Variants in KIRREL3 observed in about 807,000 individuals in gnomAD.
The protein encoded by KIRREL3 is kin of IRRE-like protein 3.
Under a neutral mutation model 89.7 loss-of-function variants are expected in KIRREL3, and 36 were observed. The ratio of observed to expected loss-of-function variants is 0.40; its 90% confidence interval spans 0.31 to 0.53. The LOEUF (loss-of-function observed/expected upper bound fraction) is 0.53, where lower values mean the gene tolerates loss of function less well. KIRREL3 is among the 20% of genes least tolerant of loss of function. KIRREL3 has a pLI of 0.49. For missense variants in KIRREL3, 864 were observed against 1,056.6 expected (o/e 0.82, Z 2.53); for synonymous variants, 445 against 441.4 (o/e 1.01, Z -0.10).
intron 1 of KIRREL3, among the ~76,000 whole-genome samples, chr11:126,939,823 C>T (rs1948364496): frequency 6.6e-6 from 1 of 152,144 alleles, no homozygotes; most frequent in African/African-American, 2.4e-5. Flanking sequence ...ATGAATCTTC[C>T]TGCCAAGTTA....
At chr11:126,546,849 G>C (rs1402343605) in intron 2 of KIRREL3, among the ~76,000 whole-genome samples, 1 of 152,190 alleles carries the variant, frequency 6.6e-6, no homozygotes, top group African/African-American at 2.4e-5. Flanking sequence ...ATGCGTGGAG[G>C]AAAGAGGGCT....
At chr11:126,437,232 A>T (rs35303448) in intron 11 of KIRREL3, among the ~76,000 whole-genome samples, 39,789 of 152,142 alleles carry the variant, frequency 0.26, 5,627 homozygotes, top group Admixed American at 0.34. Context: ...CATGCACAGC[A>T]TCCCACACGG....
chr11:126,695,344 C>T (rs1298116345), intron 1 of KIRREL3, among the ~76,000 whole-genome samples: 1 of 134,362 alleles, frequency 7.4e-6, no homozygotes, highest in Non-Finnish European at 1.5e-5. Flanking sequence ...TGGCCCAGTG[C>T]TTTTCCATTG....
intron 1 of KIRREL3, among the ~76,000 whole-genome samples, chr11:126,725,738 A>T (rs6590226): frequency 2.4e-4 from 36 of 152,152 alleles, no homozygotes; most frequent in Admixed American, 1.2e-3. Context: ...GGGCTGGTGG[A>T]GCTCTGTGGC....
chr11:126,919,067 A>G (rs999463020), intron 1 of KIRREL3, among the ~76,000 whole-genome samples: 4 of 151,502 alleles, frequency 2.6e-5, no homozygotes, highest in African/African-American at 4.8e-5. Context: ...ATGTATTGCT[A>G]CAGACCCAAG....
chr11:126,662,142 C>A (rs962373668), intron 1 of KIRREL3, among the ~76,000 whole-genome samples: 7 of 152,130 alleles, frequency 4.6e-5, no homozygotes, highest in Admixed American at 2.6e-4. Flanking sequence ...AGTGTGTCAC[C>A]CAGGGCACAC....
chr11:126,856,940 T>A (rs1279954937), intron 1 of KIRREL3, among the ~76,000 whole-genome samples: 2 of 152,100 alleles, frequency 1.3e-5, no homozygotes, highest in African/African-American at 4.8e-5. Context: ...GGATAACATT[T>A]TATATTTTGA....
In KIRREL3 at chr11:126,620,263, C is replaced by CTATT. The variant is rs1943523138; in HGVS notation, c.56-57352_56-57351insAATA. Among the ~76,000 whole-genome samples the CTATT allele has an allele frequency of 6.6e-6, 1 of 152,176 alleles. No homozygotes were observed. Among genetic ancestry groups the CTATT allele is most frequent in the African/African-American group, 2.4e-5 (1 of 41,452 alleles). ...TGTTCTTTGAATTGATCCTTGGATT[C>CTATT]TAGACCCAAGGTGGATTCTAGACCC... On this transcript the variant is annotated intron_variant, in intron 1 of 16. Coordinates refer to ENST00000525144, the MANE Select transcript of KIRREL3 (RefSeq NM_032531.4). The surrounding 1 kb of genome is among the most constrained non-coding windows in gnomAD (Gnocchi z 4.8).
intron 4 of KIRREL3, among the ~76,000 whole-genome samples, chr11:126,512,551 C>T (rs534129416): frequency 2.6e-4 from 40 of 152,178 alleles, no homozygotes; most frequent in Non-Finnish European, 4.1e-4. Flanking sequence ...GGTGAGGGGC[C>T]TCCTCCAGGC....
At chr11:126,693,607 C>CCACA (rs34918602) in intron 1 of KIRREL3, among the ~76,000 whole-genome samples, 84,597 of 149,822 alleles carry the variant, frequency 0.56, 23,706 homozygotes, top group South Asian at 0.64. Flanking sequence ...GTGCCTGTGA[C>CCACA]CACACACACA....
chr11:126,427,001 C>T lies in KIRREL3; in HGVS notation c.1807-1277G>A, dbSNP rs897043417. Among the ~76,000 whole-genome samples, 4 of 152,102 alleles carry T rather than the reference C, an allele frequency of 2.6e-5. No individual in the cohort carries two copies. The highest frequency in any genetic ancestry group is 9.7e-5 in the African/African-American group (4 of 41,408). On this transcript the variant is annotated intron_variant, in intron 15 of 16. Transcript: ENST00000525144. The surrounding 1 kb of genome is among the most constrained non-coding windows in gnomAD (Gnocchi z 5.3). Reference sequence around the variant, plus strand: ...CGATATCCTCAAGGGGTGGCTTAGCCCAGAGCCCTCAGCAAGTCCCTTCTG... The same window carrying T: ...CGATATCCTCAAGGGGTGGCTTAGCTCAGAGCCCTCAGCAAGTCCCTTCTG...
intron 1 of KIRREL3, among the ~76,000 whole-genome samples, chr11:126,760,046 G>A (rs761702483): frequency 3.3e-5 from 5 of 152,178 alleles, no homozygotes; most frequent in Admixed American, 6.5e-5. Context: ...TTTTGATCTA[G>A]CACAGTTTTC....
rs190316242 is a variant in KIRREL3, at chr11:126,766,722, C to T, written c.56-203810G>A. On this transcript the variant is annotated intron_variant, in intron 1 of 16. Coordinates refer to ENST00000525144, the MANE Select transcript of KIRREL3 (RefSeq NM_032531.4). This position sits in a 1 kb window ranked among gnomAD's most constrained non-coding sequence, Gnocchi z 4.2. ...TACAGAATTGACTTTTCTGCCTTGGCCTGGGGGAGGCGGGTGTTGTAAAAC... is the reference window on the plus strand; with the variant it reads ...TACAGAATTGACTTTTCTGCCTTGGTCTGGGGGAGGCGGGTGTTGTAAAAC... 2.9e-4 allele frequency among the ~76,000 whole-genome samples: 44 copies of T among 152,216 alleles called. No homozygotes were observed. The highest frequency in any genetic ancestry group is 1.6e-4 in the Non-Finnish European group (11 of 67,992).
chr11:126,916,476 G>A (rs1947042849), intron 1 of KIRREL3, among the ~76,000 whole-genome samples: 1 of 152,108 alleles, frequency 6.6e-6, no homozygotes, highest in Admixed American at 6.5e-5. Flanking sequence ...ACTCAGAAAG[G>A]CCATAGTTTA....
In KIRREL3 at chr11:126,635,988, C is replaced by T. The variant is rs183146815; in HGVS notation, c.56-73076G>A. Among the ~76,000 whole-genome samples, 93 of 152,278 alleles carry T rather than the reference C, an allele frequency of 6.1e-4. 1 individual carries two copies. Among genetic ancestry groups the T allele is most frequent in the Non-Finnish European group, 6.5e-4 (44 of 68,028 alleles). On this transcript the variant is annotated intron_variant, in intron 1 of 16. Coordinates refer to ENST00000525144, the MANE Select transcript of KIRREL3 (RefSeq NM_032531.4). The surrounding 1 kb of genome is among the most constrained non-coding windows in gnomAD (Gnocchi z 4.0). ...TAGCGGGAGGGATCAGTGGAGGAAG[C>T]GACGTGATTCCTGTAAGACTTGAAT...
chr11:126,700,842 C>G (rs938180497), intron 1 of KIRREL3, among the ~76,000 whole-genome samples: 2 of 152,242 alleles, frequency 1.3e-5, no homozygotes, highest in African/African-American at 2.4e-5. Flanking sequence ...ATTCACCCCC[C>G]ACACCCTCCT....
At chr11:126,733,747 C>G (rs1329248383) in intron 1 of KIRREL3, among the ~76,000 whole-genome samples, 1 of 152,128 alleles carries the variant, frequency 6.6e-6, no homozygotes, top group Non-Finnish European at 1.5e-5. Context: ...TCCCTTAGCC[C>G]TTTTTTTCCC....
In KIRREL3 at chr11:126,462,965, A is replaced by C. The variant is rs974028207; in HGVS notation, c.742+192T>G. ...AAGATGTCCTTTGCGAAAGACCCTC[A>C]TCTGTGAGGTTGCATCTCATGACAG... On this transcript the variant is annotated intron_variant, in intron 6 of 16. Coordinates refer to ENST00000525144, the MANE Select transcript of KIRREL3 (RefSeq NM_032531.4). This position sits in a 1 kb window ranked among gnomAD's most constrained non-coding sequence, Gnocchi z 4.8. Among the ~76,000 whole-genome samples the C allele has an allele frequency of 2.6e-5, 4 of 152,160 alleles. No homozygotes were observed. Among genetic ancestry groups the C allele is most frequent in the African/African-American group, 9.7e-5 (4 of 41,438 alleles).
chr11:126,758,640 C>T (rs534954732), intron 1 of KIRREL3, among the ~76,000 whole-genome samples: 4 of 152,340 alleles, frequency 2.6e-5, no homozygotes, highest in African/African-American at 9.6e-5. Context: ...AATTGCTTGC[C>T]ATTGCCCCAA....
Sources: allele counts gnomAD v4.1 joint callset (sites outside exome capture counted in the v4.1 genomes callset), GRCh38; gene constraint gnomAD v4.1.1; non-coding constraint Gnocchi (gnomAD v3.1); transcripts MANE v1.5; gene names NCBI Gene and HGNC (gene_info 2026-07-23, HGNC 2026-07-21).